Variants in PPFIBP2 observed in about 807,000 individuals in gnomAD.
The protein encoded by PPFIBP2 is PPFIB scaffold protein 2.
In PPFIBP2, 118 loss-of-function variants were observed where a neutral mutation model predicts 118.3. The ratio of observed to expected loss-of-function variants is 1.00; its 90% CI spans 0.86 to 1.16. The LOEUF is 1.16. Ranked by LOEUF, PPFIBP2 falls within the 50% of genes most tolerant of loss-of-function variation. The pLI is 0.00. For missense variants in PPFIBP2, 1,195 were observed against 1,073.1 expected, an observed-to-expected ratio of 1.11 and a Z score of -1.59; for synonymous variants, 414 against 397.4, an observed-to-expected ratio of 1.04 and a Z score of -0.50.
intron 1 of PPFIBP2, among the ~76,000 whole-genome samples, chr11:7,533,040 T>TTG (rs1554942998): frequency 1.3e-5 from 2 of 152,082 alleles, no homozygotes; most frequent in South Asian, 4.1e-4. Context: ...TCTGTTTTTT[T>TTG]TTGTTGTTGT....
rs908416650 is a variant in PPFIBP2 at position 7,649,971 on chromosome 11, C to T, written c.2121+317C>T. ...AAAGACAAAATGGAAAGATGGGTGT[C>T]ACAGTAGAAGAGAAGAGAAGAGACA... On this transcript the variant is annotated intron_variant, in intron 21 of 23. Coordinates refer to ENST00000299492, the MANE Select transcript of PPFIBP2 (RefSeq NM_003621.5). Among the ~76,000 whole-genome samples the T allele has an allele frequency of 5.9e-5, 9 of 152,110 alleles. No homozygotes were observed. In the East Asian group the frequency reaches 1.5e-3, roughly 26 times the overall value.
chr11:7,622,713 A>G (rs956646608), intron 7 of PPFIBP2, among the ~76,000 whole-genome samples: 2 of 152,086 alleles, frequency 1.3e-5, no homozygotes, highest in Non-Finnish European at 2.9e-5. Flanking sequence ...TGTGTATCTG[A>G]GTGTAGTTTT....
At chr11:7,590,609 A>G (rs1859078936) in intron 3 of PPFIBP2, among the ~76,000 whole-genome samples, 1 of 152,258 alleles carries the variant, frequency 6.6e-6, no homozygotes, top group African/African-American at 2.4e-5. Flanking sequence ...TAATTACTCA[A>G]TAGAAACATT....
downstream of PPFIBP2, among the ~76,000 whole-genome samples, chr11:7,661,063 A>G (rs532664567): frequency 0.22 from 33,218 of 150,632 alleles, 3,682 homozygotes; most frequent in Middle Eastern, 0.26. Flanking sequence ...TTTTGCTAGC[A>G]GTCTATCAAT....
chr11:7,641,518 A>T lies in PPFIBP2; in HGVS notation c.1415A>T (p.Asn472Ile). Reference protein sequence around the residue: ...ESGWDDTAVVNDLSSTSSGTE... With the variant: ...ESGWDDTAVVIDLSSTSSGTE... ...GGCTGGGACGACACTGCTGTGGTCAATGACCTCTCATCCACATCATCGGGC... is the reference window on the plus strand; with the variant it reads ...GGCTGGGACGACACTGCTGTGGTCATTGACCTCTCATCCACATCATCGGGC... The change falls in exon 16 of 24, where the codon AAT becomes ATT. Residue 472 changes from asparagine to isoleucine, a missense_variant. Asn to Ile is a moderately radical substitution (Grantham distance 149, BLOSUM62 -3). Coordinates refer to ENST00000299492, the MANE Select transcript of PPFIBP2 (RefSeq NM_003621.5). The T allele has an allele frequency of 3.7e-6, 6 of 1,613,824 alleles. No homozygotes were observed. Among genetic ancestry groups the T allele is most frequent in the Non-Finnish European group, 5.1e-6 (6 of 1,179,662 alleles).
At chr11:7,643,578 C>T (rs560568339) in intron 17 of PPFIBP2, among the ~76,000 whole-genome samples, 2 of 152,286 alleles carry the variant, frequency 1.3e-5, no homozygotes, top group Non-Finnish European at 2.9e-5. Flanking sequence ...TGAAGAAGTC[C>T]TGATGAGATT....
chr11:7,624,736 C>G (rs992290883), intron 7 of PPFIBP2, among the ~76,000 whole-genome samples: 2 of 152,198 alleles, frequency 1.3e-5, no homozygotes, highest in Non-Finnish European at 2.9e-5. Context: ...ATAGCAGTAG[C>G]ATTTATTGAG....
chr11:7,661,403 G>T (rs906593482), downstream of PPFIBP2, among the ~76,000 whole-genome samples: 2 of 151,386 alleles, frequency 1.3e-5, no homozygotes, highest in African/African-American at 2.4e-5. Flanking sequence ...ATTTCGTTAT[G>T]TTCCAAGTAG....
chr11:7,599,964 G>A (rs912194264), intron 5 of PPFIBP2, among the ~76,000 whole-genome samples: 4 of 151,814 alleles, frequency 2.6e-5, no homozygotes, highest in Non-Finnish European at 5.9e-5. Flanking sequence ...TTTTTAGCCC[G>A]TTTATTCTAA....
chr11:7,638,361 C>T (rs996666764), intron 14 of PPFIBP2, among the ~76,000 whole-genome samples: 46 of 152,232 alleles, frequency 3.0e-4, no homozygotes, highest in African/African-American at 1.1e-3. Context: ...TAGCCTTCCT[C>T]TCTGAAGGTT....
In PPFIBP2 at chr11:7,616,827, C is replaced by G. The variant is rs1246752023; in HGVS notation, c.619-4108C>G. Among the ~76,000 whole-genome samples the G allele has an allele frequency of 6.6e-6, 1 of 151,840 alleles. No individual in the cohort carries two copies. The highest frequency in any genetic ancestry group is 1.5e-5 in the Non-Finnish European group (1 of 68,000). ...TTGCTTCTGCTTGGATGAAGAGTTT[C>G]TTCTAGACTCCATGCCTCGGTGTTG... On this transcript the variant is annotated intron_variant, in intron 6 of 23. Transcript: ENST00000299492. The surrounding 1 kb of genome is among the most constrained non-coding windows in gnomAD (Gnocchi z 5.2).
At chr11:7,514,454 G>T (rs762958613) in intron 1 of PPFIBP2, among the ~76,000 whole-genome samples, 1 of 152,216 alleles carries the variant, frequency 6.6e-6, no homozygotes, top group African/African-American at 2.4e-5. Flanking sequence ...CCTGAGTTCT[G>T]TGCGGCGCGT....
chr11:7,621,874 A>G (rs1590651336), intron 7 of PPFIBP2, among the ~76,000 whole-genome samples: 1 of 152,296 alleles, frequency 6.6e-6, no homozygotes, highest in Admixed American at 6.5e-5. Context: ...TTTTTGTGCA[A>G]GTTAGTTGCT....
intron 12 of PPFIBP2, 123 bp from the exon 13 acceptor site, chr11:7,634,370 ATT>A: frequency 1.4e-6 from 1 of 706,464 alleles, no homozygotes. Flanking sequence ...ATGAGAGGGT[ATT>A]TTTTTTTCTT....
At chr11:7,568,097 T>C (rs1319059598) in intron 3 of PPFIBP2, among the ~76,000 whole-genome samples, 1 of 152,222 alleles carries the variant, frequency 6.6e-6, no homozygotes, top group Non-Finnish European at 1.5e-5. Flanking sequence ...CACATTGGCA[T>C]TGTTCACACC....
At chr11:7,647,541 C>T (rs140974246) in intron 17 of PPFIBP2, among the ~76,000 whole-genome samples, 375 of 152,218 alleles carry the variant, frequency 2.5e-3, no homozygotes, top group African/African-American at 8.4e-3. Context: ...AATTCCTAGA[C>T]GTTTTATAAT....
chr11:7,596,662 G>A (rs1860375467), intron 4 of PPFIBP2, among the ~76,000 whole-genome samples: 1 of 152,074 alleles, frequency 6.6e-6, no homozygotes, highest in Admixed American at 6.5e-5. Flanking sequence ...TAATCTATAT[G>A]TAAATGGCAA....
chr11:7,578,805 A>G (rs1052077510), intron 3 of PPFIBP2, among the ~76,000 whole-genome samples: 2 of 152,178 alleles, frequency 1.3e-5, no homozygotes, highest in African/African-American at 4.8e-5. Flanking sequence ...GAATGGGGTG[A>G]AGAACATTCC....
chr11:7,647,145 A>G (rs1853213493), intron 17 of PPFIBP2, among the ~76,000 whole-genome samples: 1 of 152,152 alleles, frequency 6.6e-6, no homozygotes, highest in African/African-American at 2.4e-5. Flanking sequence ...CACTTTAACA[A>G]CAGCTCAACC....
Sources: allele counts gnomAD v4.1 joint callset (sites outside exome capture counted in the v4.1 genomes callset), GRCh38; gene constraint gnomAD v4.1.1; non-coding constraint Gnocchi (gnomAD v3.1); transcripts MANE v1.5; gene names NCBI Gene and HGNC (gene_info 2026-07-23, HGNC 2026-07-21).